CPAP: variants seen among roughly 807,000 people sequenced by gnomAD.
CPAP encodes the protein centrosomal P4.1-associated protein.
the CPAP span, chr13:24,907,264 G>A: frequency 2.3e-6 from 3 of 1,286,492 alleles, no homozygotes; most frequent in Non-Finnish European, 2.2e-6. Context: ...AGTGTGCCTG[G>A]TATAGAAACC....
chr13:24,884,524 C>A, the CPAP span: 1 of 1,508,408 alleles, frequency 6.6e-7, no homozygotes, highest in South Asian at 1.1e-5. Flanking sequence ...ATGGCTAATT[C>A]TCCTCCCAAC....
chr13:24,901,278 A>T, the CPAP span, among the ~76,000 whole-genome samples: 1 of 152,272 alleles, frequency 6.6e-6, no homozygotes, highest in South Asian at 2.1e-4. Context: ...AAAGATCACA[A>T]AGAAAGTTAC....
the CPAP span, chr13:24,908,169 TTAA>T: frequency 2.2e-6 from 3 of 1,346,764 alleles, no homozygotes; most frequent in African/African-American, 1.4e-5. Flanking sequence ...GAAAAGCATA[TTAA>T]TGTCTTAAAA....
the CPAP span, chr13:24,885,841 T>A: frequency 4.8e-6 from 3 of 619,834 alleles, no homozygotes; most frequent in Non-Finnish European, 8.7e-6. Context: ...CACAGGTACT[T>A]AAGTCCTAGA....
the CPAP span, chr13:24,884,553 T>C: frequency 3.0e-6 from 4 of 1,314,208 alleles, no homozygotes; most frequent in South Asian, 3.6e-5. Context: ...TTGAAATTTT[T>C]TGTAATAAAA....
the CPAP span, among the ~76,000 whole-genome samples, chr13:24,900,118 T>C: frequency 6.6e-6 from 1 of 152,128 alleles, no homozygotes; most frequent in Non-Finnish European, 1.5e-5. Context: ...TGAAACTGTG[T>C]TGTATGTGAG....
At chr13:24,915,269 C>T in the CPAP span, among the ~76,000 whole-genome samples, 1 of 152,116 alleles carries the variant, frequency 6.6e-6, no homozygotes, top group Non-Finnish European at 1.5e-5. Flanking sequence ...CACTGAAATG[C>T]GGAAGATGGA....
chr13:24,898,178 G>A, the CPAP span, among the ~76,000 whole-genome samples: 1 of 152,152 alleles, frequency 6.6e-6, no homozygotes, highest in East Asian at 1.9e-4. Flanking sequence ...TTACATGAGT[G>A]AGCCACCACC....
the CPAP span, chr13:24,885,997 A>G: frequency 2.2e-4 from 86 of 398,848 alleles, no homozygotes; most frequent in African/African-American, 1.6e-3. Context: ...GACCTGTGGA[A>G]TTTGGCTTCA....
chr13:24,906,050 G>A, the CPAP span: 1 of 1,614,014 alleles, frequency 6.2e-7, no homozygotes, highest in South Asian at 1.1e-5. Flanking sequence ...TTCATCAGCT[G>A]AGGACAATGA....
the CPAP span, chr13:24,907,104 T>A: frequency 6.2e-7 from 1 of 1,613,638 alleles, no homozygotes; most frequent in Non-Finnish European, 8.5e-7. Context: ...CAGCTGTTTT[T>A]GCTTCAGTTC....
chr13:24,917,168 G>A, the CPAP span, among the ~76,000 whole-genome samples: 4 of 152,236 alleles, frequency 2.6e-5, no homozygotes, highest in East Asian at 1.9e-4. Context: ...GAAGGATGGC[G>A]TGAACCTGGG....
the CPAP span, among the ~76,000 whole-genome samples, chr13:24,926,463 G>A: frequency 6.6e-6 from 1 of 152,132 alleles, no homozygotes; most frequent in African/African-American, 2.4e-5. Context: ...ATAACATCAT[G>A]CACAAGGGAA....
chr13:24,897,414 C>T, the CPAP span, among the ~76,000 whole-genome samples: 1 of 152,098 alleles, frequency 6.6e-6, no homozygotes, highest in Admixed American at 6.5e-5. Context: ...TTGTTCACTG[C>T]TGCATTGCCA....
At chr13:24,890,321 T>C in the CPAP span, among the ~76,000 whole-genome samples, 1 of 152,204 alleles carries the variant, frequency 6.6e-6, no homozygotes, top group African/African-American at 2.4e-5. Flanking sequence ...ACTAAAAAGG[T>C]TGGGAGCGGC....
chr13:24,896,532 A>T, the CPAP span, among the ~76,000 whole-genome samples: 1 of 152,272 alleles, frequency 6.6e-6, no homozygotes, highest in Non-Finnish European at 1.5e-5. Context: ...AAGAGCTAGC[A>T]GCCTGGACTG....
At chr13:24,882,545 A>T in the CPAP span, 1 of 152,886 alleles carries the variant, frequency 6.5e-6, no homozygotes, top group African/African-American at 2.4e-5. Context: ...GTCATCGTTC[A>T]TGCCCCCCTC....
the CPAP span, among the ~76,000 whole-genome samples, chr13:24,886,943 C>T: frequency 1.3e-5 from 2 of 152,162 alleles, no homozygotes; most frequent in South Asian, 2.1e-4. Context: ...GGCAGGATAA[C>T]GAGAGGTGAC....
chr13:24,903,775 CA>C, the CPAP span: 2 of 857,018 alleles, frequency 2.3e-6, no homozygotes, highest in Non-Finnish European at 3.8e-6. Flanking sequence ...TCATTTTATT[CA>C]GTAAAAAAAA....
Sources: gnomAD v4.1 joint callset for allele counts (sites outside exome capture counted in the v4.1 genomes callset) on GRCh38, gnomAD v4.1.1 for gene constraint, MANE v1.5 for transcripts, NCBI Gene and HGNC (gene_info 2026-07-23, HGNC 2026-07-21) for gene names.